Variants in CTSB observed in about 807,000 individuals in gnomAD.
The protein encoded by CTSB is APP secretase.
Under a neutral mutation model 44.3 loss-of-function variants are expected in CTSB, and 57 were observed. The observed-to-expected ratio is 1.29, with a 90% confidence interval of 1.04 to 1.60. The LOEUF (loss-of-function observed/expected upper bound fraction) is 1.60. Ranked by LOEUF, CTSB falls within the 40% of genes most tolerant of loss-of-function variation. The pLI, the probability that CTSB is intolerant of heterozygous loss-of-function variation, is 0.00. For missense variants in CTSB, 768 were observed against 443.0 expected (o/e 1.73, Z -6.59); for synonymous variants, 320 against 168.0 (o/e 1.91, Z -7.00).
At chr8:11,854,376 G>C (rs993187678) in intron 1 of CTSB, among the ~76,000 whole-genome samples, 4 of 152,134 alleles carry the variant, frequency 2.6e-5, no homozygotes, top group Non-Finnish European at 4.4e-5. Context: ...TTAACAAACT[G>C]CCTGGCACCT....
At chr8:11,847,625 T>C (rs1486377787) in intron 7 of CTSB, 54 bp downstream of exon 7, 2 of 1,491,408 alleles carry the variant, frequency 1.3e-6, no homozygotes, top group African/African-American at 1.4e-5. Context: ...TGAGGAGGGA[T>C]GCAGCAGCTC....
chr8:11,856,823 GACT>G (rs1321130997), intron 1 of CTSB, among the ~76,000 whole-genome samples: 1 of 150,120 alleles, frequency 6.7e-6, no homozygotes, highest in Non-Finnish European at 1.5e-5. Context: ...ACGGTGGGGA[GACT>G]TTTTTTCACA....
intron 1 of CTSB, among the ~76,000 whole-genome samples, chr8:11,862,736 T>C (rs895502637): frequency 2.6e-5 from 4 of 152,232 alleles, no homozygotes; most frequent in African/African-American, 9.7e-5. Context: ...TGTGACTGTG[T>C]GTGTGCACAT....
chr8:11,851,465 C>G (rs1412943787), intron 3 of CTSB, among the ~76,000 whole-genome samples: 2 of 152,228 alleles, frequency 1.3e-5, no homozygotes, highest in Admixed American at 6.5e-5. Flanking sequence ...GCTGGGATTA[C>G]AGGCATGATC....
At chr8:11,851,918 TG>T (rs1174962718) in intron 3 of CTSB, among the ~76,000 whole-genome samples, 3 of 152,118 alleles carry the variant, frequency 2.0e-5, no homozygotes, top group African/African-American at 7.2e-5. Context: ...CCGCTTGCCT[TG>T]GCATCCCAAA....
chr8:11,854,364 G>A (rs1426452797), intron 1 of CTSB, among the ~76,000 whole-genome samples: 1 of 152,152 alleles, frequency 6.6e-6, no homozygotes, highest in Non-Finnish European at 1.5e-5. Flanking sequence ...CGGTGTCAGT[G>A]CTTAACAAAC....
At chr8:11,860,214 T>C (rs181056230) in intron 1 of CTSB, among the ~76,000 whole-genome samples, 1 of 152,230 alleles carries the variant, frequency 6.6e-6, no homozygotes, top group Non-Finnish European at 1.5e-5. Flanking sequence ...AGCTCCTGGC[T>C]GATAGACAAA....
Position 11,848,097 on chromosome 8 carries a change from C to G in CTSB, c.502G>C (p.Val168Leu). The G allele has an allele frequency of 6.2e-7, 1 of 1,614,040 alleles. No individual in the cohort carries two copies. Among genetic ancestry groups the G allele is most frequent in the Non-Finnish European group, 8.5e-7 (1 of 1,179,946 alleles). The stretch of plus-strand genomic sequence containing the variant: ...TGGGATTCATAGAGGCCACCAGAAA[C>G]CAGGCCTTTTCTTGTCCAGAAGTTC... ...AWNFWTRKGL[V>L]SGGLYESHVG... Residue 168 changes from valine to leucine, a missense_variant, in exon 6 of 10, where the codon GTT (valine) becomes CTT (leucine). Physicochemically the swap from Val to Leu is conservative, Grantham distance 32 (BLOSUM62 1). Coordinates refer to ENST00000353047, the MANE Select transcript of CTSB (RefSeq NM_001908.5).
At chr8:11,856,082 T>C (rs1042751375) in intron 1 of CTSB, among the ~76,000 whole-genome samples, 1 of 151,084 alleles carries the variant, frequency 6.6e-6, no homozygotes, top group Non-Finnish European at 1.5e-5. Flanking sequence ...GCAGATAAAA[T>C]CAAGGAGGTA....
intron 5 of CTSB, chr8:11,848,387 G>C (rs777180833): frequency 1.1e-5 from 7 of 653,116 alleles, no homozygotes; most frequent in African/African-American, 1.8e-5. Context: ...GAGAAGACAG[G>C]AGGCTCTCCT....
At chr8:11,845,318 C>G in intron 9 of CTSB, 96 bp from the exon 10 acceptor site, 2 of 948,622 alleles carry the variant, frequency 2.1e-6, no homozygotes, top group South Asian at 2.9e-5. Context: ...TCATCCCTGG[C>G]CACTCCTGCT....
intron 1 of CTSB, among the ~76,000 whole-genome samples, chr8:11,860,496 C>G (rs1462894209): frequency 6.6e-6 from 1 of 152,028 alleles, no homozygotes; most frequent in East Asian, 1.9e-4. Flanking sequence ...GGTGGTTGTG[C>G]ACCTATAATC....
intron 3 of CTSB, 32 bp downstream of exon 3, chr8:11,852,578 C>A: frequency 6.3e-7 from 1 of 1,581,588 alleles, no homozygotes; most frequent in Non-Finnish European, 8.7e-7. Context: ...CTGCCACTCA[C>A]ATTACAGCGG....
Position 11,847,796 on chromosome 8 carries a change from A to AG in CTSB, c.558dup (p.Cys187LeufsTer2). On this transcript the variant is annotated frameshift_variant, in exon 7 of 10. Coordinates refer to ENST00000353047, the MANE Select transcript of CTSB (RefSeq NM_001908.5). LOFTEE classifies it high-confidence loss of function. ...CGGGAGCCGTTGACGTGGTGCTCAC[A>AG]GGGAGGGATGGAGTACGGTCTGCAC... 6.3e-7 allele frequency: 1 copy of AG among 1,598,790 alleles called. No homozygotes were observed. Among genetic ancestry groups the AG allele is most frequent in the South Asian group, 1.1e-5 (1 of 88,854 alleles).
chr8:11,860,018 G>A (rs1000333869), intron 1 of CTSB, among the ~76,000 whole-genome samples: 1 of 151,770 alleles, frequency 6.6e-6, no homozygotes, highest in Admixed American at 6.6e-5. Context: ...GTTGCAGTGA[G>A]CCAAGATCAC....
intron 7 of CTSB, 21 bp downstream of exon 7, chr8:11,847,658 G>T: frequency 1.3e-6 from 2 of 1,514,044 alleles, no homozygotes; most frequent in South Asian, 2.7e-5. Flanking sequence ...GTGCGCCGTG[G>T]CCAGGCCCCA....
chr8:11,847,078 TAC>T lies in CTSB; in HGVS notation c.765_766del (p.Tyr256PhefsTer47). 1 of 1,562,174 alleles carries T rather than the reference TAC, an allele frequency of 6.4e-7. No homozygotes were observed. Among genetic ancestry groups the T allele is most frequent in the East Asian group, 2.4e-5 (1 of 41,496 alleles). On this transcript the variant is annotated frameshift_variant, in exon 8 of 10. Coordinates refer to ENST00000353047, the MANE Select transcript of CTSB (RefSeq NM_001908.5). LOFTEE classifies it high-confidence loss of function. ...TGACTTGTAGAGCAGGAAGTCCGAATACACAGAGAAAGCTCCCTCCACGGGGC... is the reference window on the plus strand; with the variant it reads ...TGACTTGTAGAGCAGGAAGTCCGAATACAGAGAAAGCTCCCTCCACGGGGC...
intron 1 of CTSB, chr8:11,865,596 A>G (rs1052187421): frequency 4.6e-5 from 7 of 151,656 alleles, no homozygotes; most frequent in Non-Finnish European, 5.9e-5. Context: ...TCAAAAAAAA[A>G]AAGGAGAGAG....
rs1461553481 is a variant in CTSB, at chr8:11,844,389, CA to C, written c.*735del. On this transcript the variant is annotated 3_prime_UTR_variant, in exon 10 of 10. Transcript: ENST00000353047. ...TTGACAGGGTGAAGCTGTAATTTTT[CA>C]AAAACAGTAAAAGCTGGTTTCTCCT... 2.0e-5 allele frequency: 3 copies of C among 152,098 alleles called. No homozygotes were observed. Among genetic ancestry groups the C allele is most frequent in the Non-Finnish European group, 4.4e-5 (3 of 68,002 alleles). The allele number at this position is 152,098 out of a possible 1,614,324, so 9.4% of individuals were successfully genotyped here.
Sources: allele counts gnomAD v4.1 joint callset (sites outside exome capture counted in the v4.1 genomes callset), GRCh38; gene constraint gnomAD v4.1.1; transcripts MANE v1.5; gene names NCBI Gene and HGNC (gene_info 2026-07-23, HGNC 2026-07-21).